KMT5A: variants seen among roughly 807,000 people sequenced by gnomAD.
KMT5A encodes lysine methyltransferase 5A.
A neutral mutation model predicts 40.6 loss-of-function variants in KMT5A; 6 were observed. The observed-to-expected ratio is 0.15, with a 90% CI of 0.08 to 0.29. The LOEUF (loss-of-function observed/expected upper bound fraction) is 0.29, where lower values mean the gene tolerates loss of function less well. Ranked by LOEUF, KMT5A falls within the 10% of genes least tolerant of loss-of-function variation. The pLI, the probability that KMT5A is intolerant of heterozygous loss-of-function variation, is 1.00. For synonymous variants in KMT5A, 153 were observed against 178.8 expected (o/e 0.86, Z 1.15); for missense variants, 308 against 459.1 (o/e 0.67, Z 3.01).
chr12:123,407,335 T>G (rs953937932), intron 7 of KMT5A, among the ~76,000 whole-genome samples, 158 bp from the exon 8 acceptor site: 1 of 152,098 alleles, frequency 6.6e-6, no homozygotes, highest in Non-Finnish European at 1.5e-5. Flanking sequence ...CGAGACCCCC[T>G]CTAAAAAGGA....
chr12:123,387,587 A>C (rs1291551287), intron 1 of KMT5A, among the ~76,000 whole-genome samples: 3 of 152,242 alleles, frequency 2.0e-5, no homozygotes, highest in African/African-American at 7.2e-5. Context: ...GCATAGGCAG[A>C]GTACCTAGCC....
In KMT5A at chr12:123,394,999, G is replaced by A. The variant is rs1004661252; in HGVS notation, c.290-48G>A. 4 of 1,464,016 alleles carry A rather than the reference G, an allele frequency of 2.7e-6. No individual in the cohort carries two copies. In the African/African-American group the frequency reaches 4.2e-5, roughly 16 times the overall value. 90.7% of individuals were successfully genotyped at this position (1,464,016 alleles called of 1,614,324 possible). A position where few individuals can be genotyped will look rare whatever the true frequency, so the allele number is the denominator to read the frequency against. ...GAATGCAGCTGGTCGTCTGGAAATT[G>A]AGAGACAGTACAGAATAAACCCGTC... On this transcript the variant is annotated intron_variant, in intron 3 of 7. Transcript: ENST00000402868.
chr12:123,406,166 C>T (rs1481546150), intron 7 of KMT5A, among the ~76,000 whole-genome samples: 1 of 152,130 alleles, frequency 6.6e-6, no homozygotes, highest in Non-Finnish European at 1.5e-5. Flanking sequence ...GATGTTATCT[C>T]ATCCAAGGGG....
intron 1 of KMT5A, among the ~76,000 whole-genome samples, chr12:123,386,154 C>T (rs901157850): frequency 1.3e-5 from 2 of 151,694 alleles, no homozygotes; most frequent in Non-Finnish European, 2.9e-5. Context: ...TAGTAGTTAC[C>T]TGTTTCTTAG....
In KMT5A at chr12:123,395,066, C is replaced by A. The variant is rs769605107; in HGVS notation, c.309C>A (p.Asn103Lys). ...CTGCAGAGAAAAGAAATGCTGGGAA[C>A]GCAGTACGGAGCGCCATGAAGTCCG... ...RKREEKRNAG[N>K]AVRSAMKSEE... Residue 103 changes from asparagine (N) to lysine (K), a missense_variant, in exon 4 of 8, where the codon AAC (asparagine) becomes AAA (lysine). Physicochemically the swap from Asn to Lys is moderately conservative, Grantham distance 94. Coordinates refer to ENST00000402868, the MANE Select transcript of KMT5A (RefSeq NM_020382.7). 6.3e-7 allele frequency: 1 copy of A among 1,575,344 alleles called. No individual in the cohort carries two copies. The highest frequency in any genetic ancestry group is 8.6e-7 in the Non-Finnish European group (1 of 1,160,468).
chr12:123,401,383 C>T (rs370591186), intron 5 of KMT5A, among the ~76,000 whole-genome samples: 6,249 of 149,664 alleles, frequency 0.042, 166 homozygotes, highest in South Asian at 0.096. Flanking sequence ...CTCCTGACTT[C>T]GTGATCCGCC....
chr12:123,387,842 G>A (rs1010335648), intron 1 of KMT5A, among the ~76,000 whole-genome samples: 3 of 152,194 alleles, frequency 2.0e-5, no homozygotes, highest in South Asian at 4.1e-4. Flanking sequence ...TTACCCATGA[G>A]GACACTGAGG....
chr12:123,388,856 T>C (rs1424343526), intron 1 of KMT5A: 1 of 147,712 alleles, frequency 6.8e-6, no homozygotes, highest in Non-Finnish European at 1.5e-5. Context: ...CGAGCCGGGA[T>C]TCGCCGCGCC....
At chr12:123,385,639 G>C (rs1876828931) in intron 1 of KMT5A, among the ~76,000 whole-genome samples, 1 of 152,124 alleles carries the variant, frequency 6.6e-6, no homozygotes, top group Non-Finnish European at 1.5e-5. Flanking sequence ...ATCACCTGAG[G>C]TCGGGAGTTC....
At chr12:123,392,478 T>G (rs1232333111) in intron 3 of KMT5A, among the ~76,000 whole-genome samples, 1 of 151,730 alleles carries the variant, frequency 6.6e-6, no homozygotes, top group Non-Finnish European at 1.5e-5. Flanking sequence ...GGCAACATAG[T>G]GAGGCCTCAT....
In KMT5A at chr12:123,395,125, C is replaced by T. The variant is rs776298564; in HGVS notation, c.368C>T (p.Pro123Leu). ...EQKIKDARKG[P>L]LVPFPNQKSE... ...AAGATCAAAGACGCCAGGAAAGGTC[C>T]CCTGGTACCTTTTCCAAACCAAAAA... Residue 123 changes from proline (P) to leucine (L), a missense_variant, in exon 4 of 8, where the codon CCC becomes CTC. By Grantham distance (98) the Pro-to-Leu change is moderately conservative. This residue lies in a region of KMT5A where 127 missense variants were observed against 129.8 expected (regional missense o/e 0.98). Coordinates refer to ENST00000402868, the MANE Select transcript of KMT5A (RefSeq NM_020382.7). The T allele has an allele frequency of 3.7e-6, 6 of 1,606,934 alleles. No individual in the cohort carries two copies. The highest frequency in any genetic ancestry group is 1.1e-5 in the South Asian group (1 of 89,954).
chr12:123,393,287 G>T (rs879925124), intron 3 of KMT5A, among the ~76,000 whole-genome samples: 1 of 152,080 alleles, frequency 6.6e-6, no homozygotes, highest in East Asian at 1.9e-4. Flanking sequence ...ACAGGGTTGC[G>T]CAACCATTAC....
intron 1 of KMT5A, among the ~76,000 whole-genome samples, chr12:123,386,727 T>C (rs1876894602): frequency 6.6e-6 from 1 of 152,116 alleles, no homozygotes; most frequent in African/African-American, 2.4e-5. Flanking sequence ...GTCTCAGGGG[T>C]CAGTCCACCT....
chr12:123,392,400 G>A (rs975758044), intron 3 of KMT5A, among the ~76,000 whole-genome samples: 4 of 152,302 alleles, frequency 2.6e-5, no homozygotes, highest in African/African-American at 9.6e-5. Context: ...GCTCGGGTTT[G>A]TAATTCCAGC....
rs1463269503 is a variant in KMT5A, at chr12:123,408,410, G to T, written c.*707G>T. 6.6e-6 allele frequency: 1 copy of T among 152,040 alleles called. No individual in the cohort carries two copies. Among genetic ancestry groups the T allele is most frequent in the Non-Finnish European group, 1.5e-5 (1 of 67,944 alleles). The allele number at this position is 152,040 out of a possible 1,614,324, so 9.4% of individuals were successfully genotyped here. ...AGGGTTGCTTACCTGCCCTGCTGGG[G>T]CAGGGTTTCCTGAAACTGGGTTAAT... On this transcript the variant is annotated 3_prime_UTR_variant, in exon 8 of 8. Coordinates refer to ENST00000402868, the MANE Select transcript of KMT5A (RefSeq NM_020382.7).
At chr12:123,396,614 C>T (rs1877748194) in intron 5 of KMT5A, among the ~76,000 whole-genome samples, 182 bp downstream of exon 5, 2 of 152,170 alleles carry the variant, frequency 1.3e-5, no homozygotes, top group Non-Finnish European at 2.9e-5. Flanking sequence ...CTTGTCCTGC[C>T]TTTCTGCTGG....
intron 1 of KMT5A, among the ~76,000 whole-genome samples, chr12:123,386,467 C>T (rs1876879691): frequency 1.3e-5 from 2 of 152,132 alleles, no homozygotes; most frequent in Admixed American, 6.6e-5. Flanking sequence ...CTGCCCACCT[C>T]GGCCTCCCAG....
At chr12:123,401,622 C>T (rs936700715) in intron 5 of KMT5A, among the ~76,000 whole-genome samples, 2 of 151,780 alleles carry the variant, frequency 1.3e-5, no homozygotes, top group African/African-American at 2.4e-5. Flanking sequence ...TGCTCTGTCT[C>T]CCAGGCTGGA....
At chr12:123,407,331 C>T (rs1248437454) in intron 7 of KMT5A, among the ~76,000 whole-genome samples, 162 bp from the exon 8 acceptor site, 4 of 152,020 alleles carry the variant, frequency 2.6e-5, no homozygotes, top group Non-Finnish European at 5.9e-5. Context: ...GGAGCGAGAC[C>T]CCCTCTAAAA....
Sources: gnomAD v4.1 joint callset for allele counts (sites outside exome capture counted in the v4.1 genomes callset) on GRCh38, gnomAD v4.1.1 for gene constraint, gnomAD v4.1.1 regional missense constraint, MANE v1.5 for transcripts, NCBI Gene and HGNC (gene_info 2026-07-23, HGNC 2026-07-21) for gene names.